Variants in CDK13 observed in about 807,000 individuals in gnomAD.
The protein encoded by CDK13 is cyclin-dependent kinase 13.
Under a neutral mutation model 137.6 loss-of-function variants are expected in CDK13, and 40 were observed. That is an observed-to-expected ratio of 0.29 (90% CI 0.23 to 0.38). The LOEUF is 0.38. Ranked by LOEUF, CDK13 falls within the 10% of genes least tolerant of loss-of-function variation. The pLI is 1.00. For missense variants in CDK13, 1,704 were observed against 1,951.8 expected (o/e 0.87, Z 2.39); for synonymous variants, 869 against 760.1 (o/e 1.14, Z -2.36).
chr7:39,990,838 A>G (rs1784440452), intron 2 of CDK13, among the ~76,000 whole-genome samples: 1 of 152,260 alleles, frequency 6.6e-6, no homozygotes, highest in Non-Finnish European at 1.5e-5. Flanking sequence ...AGTGTTATGC[A>G]TCTCAGTTAT....
chr7:40,081,541 A>G (rs1240345317), intron 11 of CDK13, among the ~76,000 whole-genome samples: 2 of 152,226 alleles, frequency 1.3e-5, no homozygotes, highest in Non-Finnish European at 2.9e-5. Context: ...TTTATGCTAG[A>G]AAGTATTTTA....
chr7:40,071,631 G>C (rs1786425263), intron 9 of CDK13: 1 of 152,114 alleles, frequency 6.6e-6, no homozygotes, highest in Non-Finnish European at 1.5e-5. Flanking sequence ...TTATGCATTG[G>C]TCATTTGAAA....
At chr7:39,985,259 G>A (rs1489129031) in intron 1 of CDK13, 2 of 152,184 alleles carry the variant, frequency 1.3e-5, no homozygotes, top group Non-Finnish European at 2.9e-5. Context: ...TACGTAACAT[G>A]ATGACCTCTA....
At chr7:40,031,813 T>TTTA (rs1158191706) in intron 5 of CDK13, among the ~76,000 whole-genome samples, 21 of 132,996 alleles carry the variant, frequency 1.6e-4, no homozygotes, top group African/African-American at 5.7e-4. Context: ...GCTCGGCTAA[T>TTTA]TTATTATTAT....
intron 5 of CDK13, among the ~76,000 whole-genome samples, chr7:40,024,630 T>C (rs1340766335): frequency 6.9e-6 from 1 of 144,688 alleles, no homozygotes; most frequent in Non-Finnish European, 1.5e-5. Context: ...TCTTCCAAGA[T>C]ATCTGTAGCT....
rs1787182245 is a variant in CDK13 at position 39,951,347 on chromosome 7, A to G, written c.706A>G (p.Ser236Gly). ...SEASKSRSRHSHSGEERAEVA... is the reference protein window; with the variant it reads ...SEASKSRSRHGHSGEERAEVA... ...GGCCTCCAAGTCCCGCAGCCGCCAC[A>G]GCCACAGCGGCGAGGAACGGGCCGA... The change falls in exon 1 of 14, where the codon AGC becomes GGC. Residue 236 changes from serine (S) to glycine (G), a missense_variant. Coordinates refer to ENST00000181839, the MANE Select transcript of CDK13 (RefSeq NM_003718.5). 4 of 1,476,532 alleles carry G rather than the reference A, an allele frequency of 2.7e-6. No homozygotes were observed. 91.5% of individuals were successfully genotyped at this position (1,476,532 alleles called of 1,614,324 possible). A position where few individuals can be genotyped will look rare whatever the true frequency, so the allele number is the denominator to read the frequency against.
chr7:40,038,413 A>G (rs1187859262), intron 5 of CDK13, among the ~76,000 whole-genome samples: 1 of 152,156 alleles, frequency 6.6e-6, no homozygotes, highest in East Asian at 1.9e-4. Flanking sequence ...TCATTGTGTA[A>G]ATAATGCTGC....
intron 12 of CDK13, among the ~76,000 whole-genome samples, chr7:40,090,872 T>TA (rs1326265101): frequency 6.6e-6 from 1 of 151,700 alleles, no homozygotes; most frequent in Non-Finnish European, 1.5e-5. Context: ...GACCCTGTCT[T>TA]AAAAAATCAA....
chr7:39,959,680 G>C (rs1447699800), intron 1 of CDK13, among the ~76,000 whole-genome samples: 3 of 152,056 alleles, frequency 2.0e-5, no homozygotes, highest in Non-Finnish European at 4.4e-5. Flanking sequence ...GCCAAGGCTG[G>C]TCTCGAACTC....
intron 5 of CDK13, among the ~76,000 whole-genome samples, chr7:40,038,557 C>T (rs1785535157): frequency 6.6e-6 from 1 of 152,144 alleles, no homozygotes; most frequent in Admixed American, 6.5e-5. Flanking sequence ...AATTTCTCTT[C>T]AGAGGGCTTT....
chr7:39,997,038 T>A (rs1225292568), intron 2 of CDK13, among the ~76,000 whole-genome samples: 3 of 151,664 alleles, frequency 2.0e-5, no homozygotes, highest in African/African-American at 7.3e-5. Flanking sequence ...GTTTAGTTGA[T>A]TTTCAATTTT....
chr7:39,952,799 T>C (rs1323419391), intron 1 of CDK13: 1 of 150,646 alleles, frequency 6.6e-6, no homozygotes, highest in African/African-American at 2.4e-5. Flanking sequence ...TTAATGAAAT[T>C]GGAGTAAAAC....
At chr7:40,015,579 A>G (rs921658714) in intron 5 of CDK13, among the ~76,000 whole-genome samples, 3 of 152,184 alleles carry the variant, frequency 2.0e-5, no homozygotes, top group Non-Finnish European at 4.4e-5. Context: ...ACATCAGTAA[A>G]GTTTAGCTTG....
chr7:39,987,573 A>T (rs1407888917), intron 1 of CDK13, 26 bp from the exon 2 acceptor site: 1 of 1,539,100 alleles, frequency 6.5e-7, no homozygotes, highest in East Asian at 2.3e-5. Flanking sequence ...TCAATTACTG[A>T]TTAAATCTTA....
chr7:40,028,164 C>A (rs941422637), intron 5 of CDK13, among the ~76,000 whole-genome samples: 7 of 151,370 alleles, frequency 4.6e-5, no homozygotes, highest in Admixed American at 2.6e-4. Context: ...GGGGTTTTCA[C>A]CAGGTAGAAG....
intron 1 of CDK13, among the ~76,000 whole-genome samples, chr7:39,970,434 C>A (rs1007956751): frequency 6.6e-6 from 1 of 151,600 alleles, no homozygotes; most frequent in Non-Finnish European, 1.5e-5. Context: ...AGCATACTTA[C>A]ATTTTCATCT....
intron 1 of CDK13, among the ~76,000 whole-genome samples, chr7:39,967,179 G>A (rs1783890886): frequency 1.7e-5 from 2 of 115,398 alleles, no homozygotes; most frequent in East Asian, 3.3e-4. Context: ...TGTAATCCCA[G>A]TACTTTGGGA....
At chr7:40,049,813 G>A (rs940201125) in intron 7 of CDK13, among the ~76,000 whole-genome samples, 12 of 151,894 alleles carry the variant, frequency 7.9e-5, no homozygotes, top group Admixed American at 6.6e-4. Flanking sequence ...TAGATTTCAC[G>A]TATAAGTGAA....
chr7:39,977,315 A>G (rs1784132018), intron 1 of CDK13, among the ~76,000 whole-genome samples: 1 of 152,194 alleles, frequency 6.6e-6, no homozygotes, highest in Non-Finnish European at 1.5e-5. Flanking sequence ...ATTCTTTTCA[A>G]TAGGAATACT....
Sources: gnomAD v4.1 joint callset for allele counts (sites outside exome capture counted in the v4.1 genomes callset) on GRCh38, gnomAD v4.1.1 for gene constraint, MANE v1.5 for transcripts, NCBI Gene and HGNC (gene_info 2026-07-23, HGNC 2026-07-21) for gene names.